Variants in CEP95 observed in about 807,000 individuals in gnomAD.
CEP95 encodes centrosomal protein of 95 kDa.
A neutral mutation model predicts 111.2 loss-of-function variants in CEP95; 98 were observed. The ratio of observed to expected loss-of-function variants is 0.88; its 90% CI spans 0.75 to 1.04. CEP95 has a LOEUF of 1.04. Among genes scored for constraint, CEP95 ranks in the 50% least tolerant of loss-of-function variants. CEP95 has a pLI of 0.00. For synonymous variants in CEP95, 323 were observed against 327.1 expected (o/e 0.99, Z 0.14); for missense variants, 1,027 against 977.2 (o/e 1.05, Z -0.68).
intron 13 of CEP95, among the ~76,000 whole-genome samples, chr17:64,531,571 A>G (rs781794671): frequency 2.4e-4 from 37 of 152,210 alleles, no homozygotes; most frequent in Non-Finnish European, 4.1e-4. Flanking sequence ...AAAGAGAAGT[A>G]CATTGAAACA....
At position 64,536,619 on chromosome 17, in the gene CEP95, TGAA is replaced by T. The variant is rs1568160380; in HGVS notation, c.2093_2095del (p.Glu698del). The T allele has an allele frequency of 8.2e-6, 13 of 1,591,416 alleles. No individual in the cohort carries two copies. The highest frequency in any genetic ancestry group is 1.1e-5 in the Non-Finnish European group (13 of 1,172,868). On this transcript the variant is annotated inframe_deletion, in exon 18 of 20. Transcript: ENST00000556440. The stretch of plus-strand genomic sequence containing the variant: ...ACTGACAGATATTTAAGAAACTGTT[TGAA>T]GAAGGTTTAAACATTCAAAAGCAAA...
Position 64,529,377 on chromosome 17 carries a change from A to G in CEP95, c.1396A>G (p.Lys466Glu). ...ACACAAACAGTTCCACTTGGAGAGAAAAAGGCAGCGCAAGCCAAGAGAAAC... is the reference window on the plus strand; with the variant it reads ...ACACAAACAGTTCCACTTGGAGAGAGAAAGGCAGCGCAAGCCAAGAGAAAC... The part of the protein sequence containing the change: ...NKHKQFHLER[K>E]RQRKPRETDV... The change falls in exon 12 of 20, where the codon AAA becomes GAA. Residue 466 changes from lysine (K) to glutamate (E), a missense_variant. Lys to Glu is a moderately conservative substitution (Grantham distance 56). Coordinates refer to ENST00000556440, the MANE Select transcript of CEP95 (RefSeq NM_138363.3). 6.2e-7 allele frequency: 1 copy of G among 1,613,908 alleles called. No individual in the cohort carries two copies. Among genetic ancestry groups the G allele is most frequent in the Non-Finnish European group, 8.5e-7 (1 of 1,179,822 alleles).
Position 64,522,747 on chromosome 17 carries a change from G to A in CEP95, c.761G>A (p.Gly254Glu). The A allele has an allele frequency of 6.2e-6, 10 of 1,613,760 alleles. No homozygotes were observed. The highest frequency in any genetic ancestry group is 8.5e-6 in the Non-Finnish European group (10 of 1,179,776). Residue 254 changes from glycine to glutamate, a missense_variant, in exon 8 of 20, where the codon GGG (glycine) becomes GAG (glutamate). Gly to Glu is a moderately conservative substitution (Grantham distance 98). Transcript: ENST00000556440. ...GGGATTCCAAATGCTAGGAAGCTAGGGGAGCCTATCCGAGCAGCTATTCCT... is the reference window on the plus strand; with the variant it reads ...GGGATTCCAAATGCTAGGAAGCTAGAGGAGCCTATCCGAGCAGCTATTCCT... ...VSGIPNARKL[G>E]EPIRAAIPLH...
chr17:64,522,929 A>G (rs782263209), intron 8 of CEP95, 34 bp downstream of exon 8: 89 of 1,513,376 alleles, frequency 5.9e-5, no homozygotes, highest in Non-Finnish European at 6.8e-5. Flanking sequence ...GTTGGCTAGA[A>G]GTACACTTGT....
chr17:64,518,994 T>C (rs897550620), intron 5 of CEP95, among the ~76,000 whole-genome samples: 7 of 152,116 alleles, frequency 4.6e-5, no homozygotes, highest in African/African-American at 1.2e-4. Context: ...TGAACTTCTT[T>C]CCATAAGAAT....
At position 64,512,111 on chromosome 17, in the gene CEP95, G is replaced by A. The variant is rs190696585; in HGVS notation, c.256+1831G>A. Among the ~76,000 whole-genome samples, 16 of 152,282 alleles carry A rather than the reference G, an allele frequency of 1.1e-4. No individual in the cohort carries two copies. In the East Asian group the frequency reaches 1.3e-3, roughly 13 times the overall value. On this transcript the variant is annotated intron_variant, in intron 3 of 19. Transcript: ENST00000556440. ...ATATGCTCTTTGTGCACAATGTTCC[G>A]TGTTGGGAACAATCTCTAGCATATG...
rs1555673350 is a variant in CEP95, at chr17:64,507,525, A to G, written c.19+409A>G. On this transcript the variant is annotated intron_variant, in intron 1 of 19. Coordinates refer to ENST00000556440, the MANE Select transcript of CEP95 (RefSeq NM_138363.3). ...AGGAACAGCATTCTTAAGATTTATT[A>G]TGCCCCTGCAGAATAGTAGAATATG... The G allele has an allele frequency of 3.6e-6, 4 of 1,116,300 alleles. No homozygotes were observed. The African/African-American group carries it at 5.0e-5, about 14-fold the overall frequency. The allele number at this position is 1,116,300 out of a possible 1,614,324, so 69.1% of individuals were successfully genotyped here. A position where few individuals can be genotyped will look rare whatever the true frequency, so the allele number is the denominator to read the frequency against.
chr17:64,522,781 A>AC lies in CEP95; in HGVS notation c.798dup (p.Tyr267LeufsTer41). The AC allele has an allele frequency of 6.2e-7, 1 of 1,613,702 alleles. No individual in the cohort carries two copies. The highest frequency in any genetic ancestry group is 8.5e-7 in the Non-Finnish European group (1 of 1,179,814). On this transcript the variant is annotated frameshift_variant, in exon 8 of 20. Coordinates refer to ENST00000556440, the MANE Select transcript of CEP95 (RefSeq NM_138363.3). LOFTEE classifies it high-confidence loss of function. ...TCCGAGCAGCTATTCCTTTACATCC[A>AC]CCCTACCACCCTTCAGAGCCTCGAG...
chr17:64,532,159 A>AT (rs1211189728), intron 14 of CEP95, 137 bp downstream of exon 14: 1 of 1,363,310 alleles, frequency 7.3e-7, no homozygotes, highest in African/African-American at 1.5e-5. Flanking sequence ...AATCACTGCC[A>AT]TGTGGCTGGT....
intron 5 of CEP95, 123 bp downstream of exon 5, chr17:64,516,951 C>G (rs1249839021): frequency 1.7e-6 from 1 of 574,114 alleles, no homozygotes; most frequent in Non-Finnish European, 3.0e-6. Context: ...CTACTAACTT[C>G]TCATATTTTA....
chr17:64,516,885 A>G lies in CEP95; in HGVS notation c.473+57A>G, dbSNP rs1230171680. 3.9e-6 allele frequency: 4 copies of G among 1,030,128 alleles called. No individual in the cohort carries two copies. The African/African-American group carries it at 6.4e-5, about 16-fold the overall frequency. The allele number at this position is 1,030,128 out of a possible 1,614,324, so 63.8% of individuals were successfully genotyped here. ...ACAAGTTACGCTTTTTGGACTAAGA[A>G]TTAAAATCACACGTAATATACCAAG... is the stretch of plus-strand genomic sequence containing the variant. On this transcript the variant is annotated intron_variant, in intron 5 of 19. Transcript: ENST00000556440.
At position 64,516,819 on chromosome 17, in the gene CEP95, C is replaced by A; in HGVS notation, c.464C>A (p.Ser155Tyr). ...KESKSSWKRV[S>Y]FGRCSLSSEM... The stretch of plus-strand genomic sequence containing the variant: ...TCTAAATCATCATGGAAAAGAGTTT[C>A]TTTTGGGAGGTAGCACTTAGTGTCT... Residue 155 changes from serine to tyrosine, a missense_variant, in exon 5 of 20, where the codon TCT becomes TAT. Ser to Tyr is a moderately radical substitution (Grantham distance 144, BLOSUM62 -2). Transcript: ENST00000556440. The A allele has an allele frequency of 1.3e-6, 2 of 1,593,392 alleles. No homozygotes were observed. The highest frequency in any genetic ancestry group is 2.2e-5 in the East Asian group (1 of 44,742).
At chr17:64,507,463 G>A in intron 1 of CEP95, 1 of 1,288,994 alleles carries the variant, frequency 7.8e-7, no homozygotes, top group African/African-American at 1.5e-5. Context: ...TGCACTATGG[G>A]CCCTGAGGTC....
chr17:64,537,229 T>C (rs985597065), intron 19 of CEP95, 117 bp downstream of exon 19: 1 of 1,483,646 alleles, frequency 6.7e-7, no homozygotes, highest in Non-Finnish European at 9.0e-7. Context: ...CGGTGTGCAG[T>C]GGACTGTACT....
chr17:64,509,235 A>G (rs1555674034), intron 2 of CEP95, among the ~76,000 whole-genome samples: 3 of 152,166 alleles, frequency 2.0e-5, no homozygotes, highest in Non-Finnish European at 2.9e-5. Flanking sequence ...CCATCTCACT[A>G]TGTTCAAGAC....
chr17:64,510,586 G>A (rs2038839779), intron 3 of CEP95, among the ~76,000 whole-genome samples: 1 of 152,210 alleles, frequency 6.6e-6, no homozygotes, highest in Non-Finnish European at 1.5e-5. Flanking sequence ...CAGAGTCTCT[G>A]TTGCCCAGGC....
intron 2 of CEP95, among the ~76,000 whole-genome samples, chr17:64,509,044 C>T (rs961641289): frequency 6.6e-6 from 1 of 152,094 alleles, no homozygotes; most frequent in African/African-American, 2.4e-5. Context: ...TGGCTACTGC[C>T]TTGTGAAAGT....
At chr17:64,537,201 G>A in intron 19 of CEP95, 89 bp downstream of exon 19, 1 of 1,549,738 alleles carries the variant, frequency 6.5e-7, no homozygotes, top group East Asian at 2.4e-5. Context: ...TGGAGCAATA[G>A]GCTGTATCAT....
chr17:64,511,056 G>A (rs1478759042), intron 3 of CEP95, among the ~76,000 whole-genome samples: 7 of 152,166 alleles, frequency 4.6e-5, no homozygotes, highest in Non-Finnish European at 8.8e-5. Flanking sequence ...CAAAAGGGGA[G>A]GGAGTATACG....
Sources: allele counts gnomAD v4.1 joint callset (sites outside exome capture counted in the v4.1 genomes callset), GRCh38; gene constraint gnomAD v4.1.1; transcripts MANE v1.5; gene names NCBI Gene and HGNC (gene_info 2026-07-23, HGNC 2026-07-21).